The following SUPT6H variants were observed in gnomAD, a reference collection of about 807,000 sequenced individuals.
SUPT6H encodes the protein transcription elongation factor SPT6.
Under a neutral mutation model 222.3 loss-of-function variants are expected in SUPT6H, and 11 were observed. The ratio of observed to expected loss-of-function variants is 0.05; its 90% CI spans 0.03 to 0.08. The LOEUF is 0.08. Among genes scored for constraint, SUPT6H ranks in the 10% least tolerant of loss-of-function variants. SUPT6H has a pLI of 1.00. For synonymous variants in SUPT6H, 762 were observed against 801.2 expected (o/e 0.95, Z 0.83); for missense variants, 1,422 against 2,216.0 (o/e 0.64, Z 7.19).
intron 23 of SUPT6H, among the ~76,000 whole-genome samples, 167 bp from the exon 24 acceptor site, chr17:28,687,924 C>CTT (rs75324284): frequency 1.5e-5 from 2 of 134,238 alleles, no homozygotes; most frequent in Non-Finnish European, 1.6e-5. Context: ...TAAAGCAAAA[C>CTT]TTTTTTTTTT....
chr17:28,675,221 A>G, intron 5 of SUPT6H, 59 bp downstream of exon 5: 2 of 1,543,164 alleles, frequency 1.3e-6, no homozygotes, highest in Non-Finnish European at 1.8e-6. Context: ...TTCCTGGCCC[A>G]TGGGAACAGG....
chr17:28,665,539 C>T lies in SUPT6H; in HGVS notation c.-32+3197C>T, dbSNP rs564034382. ...TTGGGAGGCTGAGGCAGGCGGATCACCTGAGGTCAGGAGCTCGAGCCCAGG... is the reference window on the plus strand; with the variant it reads ...TTGGGAGGCTGAGGCAGGCGGATCATCTGAGGTCAGGAGCTCGAGCCCAGG... On this transcript the variant is annotated intron_variant, in intron 1 of 36. Coordinates refer to ENST00000314616, the MANE Select transcript of SUPT6H (RefSeq NM_003170.5). Among the ~76,000 whole-genome samples, 44 of 152,262 alleles carry T rather than the reference C, an allele frequency of 2.9e-4. 1 individual carries two copies. Among genetic ancestry groups the T allele is most frequent in the African/African-American group, 1.0e-3 (43 of 41,544 alleles).
intron 1 of SUPT6H, among the ~76,000 whole-genome samples, chr17:28,668,462 A>G (rs991386772): frequency 1.3e-5 from 2 of 152,188 alleles, no homozygotes; most frequent in South Asian, 4.1e-4. Context: ...TATAACTGGA[A>G]GTCTTGGTAT....
chr17:28,689,516 G>C lies in SUPT6H; in HGVS notation c.3297G>C (p.Leu1099=). ...LEEILENPER[L]KDLDLDAFAE... is the part of the protein sequence containing the mutation. Reference sequence around the variant, plus strand: ...AAATCTTGGAAAACCCAGAGCGACTGAAAGACCTGGACCTTGATGCCTTTG... The same window carrying C: ...AAATCTTGGAAAACCCAGAGCGACTCAAAGACCTGGACCTTGATGCCTTTG... The change falls in exon 25 of 37, where the codon CTG becomes CTC. Residue 1099 remains leucine, a synonymous_variant. Transcript: ENST00000314616. The C allele has an allele frequency of 6.2e-7, 1 of 1,614,208 alleles. No homozygotes were observed. Among genetic ancestry groups the C allele is most frequent in the Non-Finnish European group, 8.5e-7 (1 of 1,180,040 alleles).
chr17:28,681,108 A>G, intron 11 of SUPT6H, 148 bp from the exon 12 acceptor site: 2 of 777,050 alleles, frequency 2.6e-6, no homozygotes, highest in Non-Finnish European at 4.1e-6. Flanking sequence ...CAGAAAAATA[A>G]TAACAATAGT....
chr17:28,677,744 AGAT>A lies in SUPT6H; in HGVS notation c.933_935del (p.Asp311del), dbSNP rs770691622. 1 of 1,614,226 alleles carries A rather than the reference AGAT, an allele frequency of 6.2e-7. No homozygotes were observed. The highest frequency in any genetic ancestry group is 1.3e-5 in the African/African-American group (1 of 75,062). On this transcript the variant is annotated inframe_deletion, in exon 8 of 37. Coordinates refer to ENST00000314616, the MANE Select transcript of SUPT6H (RefSeq NM_003170.5). ...GCTCCATCCCAGTCAAGGGGGCTGA[AGAT>A]GATGAACTAGAAGAAGAAGCTGACT...
At chr17:28,663,985 C>T (rs1023334753) in intron 1 of SUPT6H, among the ~76,000 whole-genome samples, 1 of 151,432 alleles carries the variant, frequency 6.6e-6, no homozygotes, top group African/African-American at 2.4e-5. Flanking sequence ...TCTACTTTGC[C>T]CACTCCATTG....
At chr17:28,671,616 C>T (rs919053109) in intron 1 of SUPT6H, among the ~76,000 whole-genome samples, 1 of 152,112 alleles carries the variant, frequency 6.6e-6, no homozygotes, top group Non-Finnish European at 1.5e-5. Context: ...CTCCATGTTA[C>T]GGTTCTTGAA....
intron 31 of SUPT6H, 69 bp from the exon 32 acceptor site, chr17:28,697,837 A>T: frequency 1.2e-6 from 2 of 1,607,224 alleles, no homozygotes; most frequent in Non-Finnish European, 1.7e-6. Context: ...AGTGTACATC[A>T]TGTGTGCACC....
intron 36 of SUPT6H, 109 bp from the exon 37 acceptor site, chr17:28,701,330 G>A: frequency 6.9e-7 from 1 of 1,450,324 alleles, no homozygotes; most frequent in East Asian, 2.3e-5. Flanking sequence ...TATCCCAGTA[G>A]AGGGGCTGCT....
At chr17:28,666,766 G>C (rs538786642) in intron 1 of SUPT6H, among the ~76,000 whole-genome samples, 1 of 152,098 alleles carries the variant, frequency 6.6e-6, no homozygotes, top group South Asian at 2.1e-4. Flanking sequence ...TGGCCAGGCT[G>C]GTCTCGAGCG....
chr17:28,664,674 G>A lies in SUPT6H; in HGVS notation c.-32+2332G>A, dbSNP rs545758529. Among the ~76,000 whole-genome samples the A allele has an allele frequency of 5.9e-5, 9 of 152,240 alleles. No homozygotes were observed. In the South Asian group the frequency reaches 8.3e-4, roughly 14 times the overall value. On this transcript the variant is annotated intron_variant, in intron 1 of 36. Coordinates refer to ENST00000314616, the MANE Select transcript of SUPT6H (RefSeq NM_003170.5). ...TCTCCTCTATGTTGCAGAATCACGC[G>A]TCAAAAATGCCTGTTTAATTATCTC...
rs375684977 is a variant in SUPT6H, at chr17:28,687,299, C to T, written c.2839-5C>T. The T allele has an allele frequency of 5.0e-6, 8 of 1,614,150 alleles. No homozygotes were observed. The highest frequency in any genetic ancestry group is 1.7e-6 in the Non-Finnish European group (2 of 1,180,024). ...ACCTTACTCCTGCCTGCTGAATGTCCACAGGAGCATGTGGTGAAAGAGGAG... is the reference window on the plus strand; with the variant it reads ...ACCTTACTCCTGCCTGCTGAATGTCTACAGGAGCATGTGGTGAAAGAGGAG... On this transcript the variant is annotated splice_polypyrimidine_tract_variant and splice_region_variant and intron_variant, in intron 22 of 36. Coordinates refer to ENST00000314616, the MANE Select transcript of SUPT6H (RefSeq NM_003170.5).
chr17:28,686,852 A>G lies in SUPT6H; in HGVS notation c.2700+63A>G. The stretch of plus-strand genomic sequence containing the variant: ...AAGTGCTATTAATCCCAAAGAGATT[A>G]AATTGGGAAACAAAAGTTATCAGGG... On this transcript the variant is annotated intron_variant, in intron 21 of 36. Transcript: ENST00000314616. 3 of 1,530,104 alleles carry G rather than the reference A, an allele frequency of 2.0e-6. No homozygotes were observed. In the South Asian group the frequency reaches 3.9e-5, roughly 20 times the overall value. The allele number at this position is 1,530,104 out of a possible 1,614,324, so 94.8% of individuals were successfully genotyped here. A position where few individuals can be genotyped will look rare whatever the true frequency, so the allele number is the denominator to read the frequency against.
At chr17:28,691,226 C>T (rs2031627427) in intron 27 of SUPT6H, 163 bp downstream of exon 27, 1 of 992,214 alleles carries the variant, frequency 1.0e-6, no homozygotes, top group East Asian at 2.7e-5. Context: ...CATGAAGTCC[C>T]TTCTGAGAAG....
chr17:28,686,122 G>GTACC (rs1199241556), intron 19 of SUPT6H, among the ~76,000 whole-genome samples: 4 of 152,140 alleles, frequency 2.6e-5, no homozygotes, highest in African/African-American at 9.7e-5. Flanking sequence ...GTGGCACCTG[G>GTACC]TACCACTGGA....
intron 18 of SUPT6H, 58 bp downstream of exon 18, chr17:28,684,783 C>T: frequency 6.2e-7 from 1 of 1,612,888 alleles, no homozygotes; most frequent in Non-Finnish European, 8.5e-7. Flanking sequence ...TTTCATTTTT[C>T]TCTCATTCAT....
In SUPT6H at chr17:28,675,112, A is replaced by C; in HGVS notation, c.488A>C (p.Glu163Ala). The change falls in exon 5 of 37, where the codon GAG becomes GCG. Residue 163 changes from glutamate to alanine, a missense_variant. Physicochemically the swap from Glu to Ala is moderately radical, Grantham distance 107. This residue lies in a region of SUPT6H where 389 missense variants were observed against 544.6 expected (regional missense o/e 0.71). Coordinates refer to ENST00000314616, the MANE Select transcript of SUPT6H (RefSeq NM_003170.5). ...GGGGAAGAAGGGCAGGAGGCCATGG[A>C]GGCCCCCATGGCTCCTCCAGAGGAG... ...GEGEEGQEAM[E>A]APMAPPEEEE... is the part of the protein sequence containing the mutation. 1 of 1,613,950 alleles carries C rather than the reference A, an allele frequency of 6.2e-7. No homozygotes were observed. Among genetic ancestry groups the C allele is most frequent in the Non-Finnish European group, 8.5e-7 (1 of 1,179,956 alleles).
At chr17:28,687,608 C>A in intron 23 of SUPT6H, 137 bp downstream of exon 23, 1 of 1,006,358 alleles carries the variant, frequency 9.9e-7, no homozygotes, top group Non-Finnish European at 1.4e-6. Context: ...TAGTGAGAGT[C>A]AAAAGAGTCT....
Sources: allele counts gnomAD v4.1 joint callset (sites outside exome capture counted in the v4.1 genomes callset), GRCh38; gene constraint gnomAD v4.1.1; regional missense constraint gnomAD v4.1.1; transcripts MANE v1.5; gene names NCBI Gene and HGNC (gene_info 2026-07-23, HGNC 2026-07-21).